Variants in POT1 observed in about 807,000 individuals in gnomAD.
POT1 encodes the protein protection of telomeres protein 1.
A neutral mutation model predicts 78.5 loss-of-function variants in POT1; 47 were observed. The observed-to-expected ratio is 0.60, with a 90% CI of 0.47 to 0.76. POT1 has a LOEUF of 0.76. Ranked by LOEUF, POT1 falls within the 30% of genes least tolerant of loss-of-function variation. The probability of loss-of-function intolerance (pLI) is 0.00; values close to 1 mark genes in which losing one functional copy is unlikely to be tolerated. For synonymous variants in POT1, 259 were observed against 260.7 expected (o/e 0.99, Z 0.06); for missense variants, 646 against 749.9 (o/e 0.86, Z 1.62).
chr7:124,917,287 T>C (rs1394012482), intron 2 of POT1, among the ~76,000 whole-genome samples: 5 of 152,106 alleles, frequency 3.3e-5, no homozygotes, highest in Non-Finnish European at 7.4e-5. Flanking sequence ...GGAGATCTTA[T>C]TTGAGGCAAA....
At chr7:124,869,856 C>T (rs1375480036) in intron 7 of POT1, among the ~76,000 whole-genome samples, 1 of 152,164 alleles carries the variant, frequency 6.6e-6, no homozygotes, top group Non-Finnish European at 1.5e-5. Context: ...GCTGGGATTA[C>T]AGGTGTGAGC....
Position 124,852,826 on chromosome 7 carries a change from G to C in POT1, c.869+146C>G. The C allele has an allele frequency of 2.9e-6, 2 of 679,560 alleles. 1 individual carries two copies. Among genetic ancestry groups the C allele is most frequent in the South Asian group, 4.3e-5 (2 of 46,026 alleles). 42.1% of individuals were successfully genotyped at this position (679,560 alleles called of 1,614,324 possible). ...TAGCTCTATGAGCCTATAATCATTT[G>C]ATTTGTTTCATTTGGCTCATCTATT... On this transcript the variant is annotated intron_variant, in intron 10 of 18. Transcript: ENST00000357628.
At chr7:124,829,196 G>A in intron 16 of POT1, 58 bp downstream of exon 16, 1 of 1,155,502 alleles carries the variant, frequency 8.7e-7, no homozygotes, top group Non-Finnish European at 1.3e-6. Flanking sequence ...AATATAAGTA[G>A]GTGAAATAAC....
rs1211488720 is a variant in POT1 at position 124,827,265 on chromosome 7, G to C, written c.1635C>G (p.Thr545=). The C allele has an allele frequency of 6.2e-7, 1 of 1,600,700 alleles. No individual in the cohort carries two copies. Among genetic ancestry groups the C allele is most frequent in the African/African-American group, 1.3e-5 (1 of 74,522 alleles). Residue 545 remains threonine (T), a synonymous_variant, in exon 17 of 19, where the codon ACC becomes ACG. Transcript: ENST00000357628. ...IVPLQYVFVM[T]FTLDDGTGVL... ...CTCCTGTTCCATCATCAAGTGTAAA[G>C]GTCATAACAAACACATATTGGAGGG...
intron 2 of POT1, among the ~76,000 whole-genome samples, chr7:124,923,327 AAAAAG>A (rs745975792): frequency 5.3e-5 from 8 of 152,030 alleles, no homozygotes; most frequent in Admixed American, 2.0e-4. Flanking sequence ...ACATCTTTAA[AAAAAG>A]AAAAGAAAAC....
At chr7:124,839,252 G>T (rs568520594) in intron 14 of POT1, among the ~76,000 whole-genome samples, 2 of 152,254 alleles carry the variant, frequency 1.3e-5, no homozygotes, top group South Asian at 4.2e-4. Context: ...AAAAAAATCT[G>T]GACACAGATC....
At chr7:124,892,639 T>C (rs758118138) in intron 5 of POT1, 15 of 226,612 alleles carry the variant, frequency 6.6e-5, no homozygotes, top group Non-Finnish European at 1.1e-4. Flanking sequence ...ATTATACTTC[T>C]TCAATAAAAA....
At chr7:124,898,043 G>A (rs530666771) in intron 4 of POT1, among the ~76,000 whole-genome samples, 2 of 151,862 alleles carry the variant, frequency 1.3e-5, no homozygotes, top group African/African-American at 4.8e-5. Flanking sequence ...TCATTAATAA[G>A]TATTTATTAA....
At position 124,859,117 on chromosome 7, in the gene POT1, C is replaced by A. The variant is rs770376260; in HGVS notation, c.547-5G>T. On this transcript the variant is annotated splice_region_variant and splice_polypyrimidine_tract_variant and intron_variant, in intron 8 of 18. Coordinates refer to ENST00000357628, the MANE Select transcript of POT1 (RefSeq NM_015450.3). The stretch of plus-strand genomic sequence containing the variant: ...TGTCCTGGTGCCATCCCATACCTGC[C>A]ATAAGAGAGTAGAGTAGTTTTATGA... 2 of 1,563,242 alleles carry A rather than the reference C, an allele frequency of 1.3e-6. No homozygotes were observed. Among genetic ancestry groups the A allele is most frequent in the Non-Finnish European group, 1.7e-6 (2 of 1,153,108 alleles).
At position 124,841,157 on chromosome 7, in the gene POT1, G is replaced by T; in HGVS notation, c.1185C>A (p.Gly395=). ...CATCCTGAAAAATTATATCCAAATC[G>T]CCCTCATGTGGAACTTCTTGCCTAA... ...CHLLQEVPHE[G]DLDIIFQDGA... Residue 395 remains glycine (G), a synonymous_variant, in exon 14 of 19, where the codon GGC becomes GGA. Coordinates refer to ENST00000357628, the MANE Select transcript of POT1 (RefSeq NM_015450.3). 1.2e-6 allele frequency: 2 copies of T among 1,611,678 alleles called. No homozygotes were observed. The highest frequency in any genetic ancestry group is 1.7e-6 in the Non-Finnish European group (2 of 1,178,730).
chr7:124,907,265 C>T (rs1796787143), intron 3 of POT1, among the ~76,000 whole-genome samples: 1 of 152,120 alleles, frequency 6.6e-6, no homozygotes, highest in South Asian at 2.1e-4. Flanking sequence ...ATCCCTGTCA[C>T]ATTGCCTTAC....
intron 14 of POT1, among the ~76,000 whole-genome samples, chr7:124,835,946 C>T (rs908425318): frequency 3.3e-5 from 5 of 152,126 alleles, no homozygotes; most frequent in African/African-American, 9.7e-5. Context: ...AATGACCAGG[C>T]TGGCTGAGAA....
chr7:124,888,069 CT>C (rs2116618449), intron 6 of POT1, among the ~76,000 whole-genome samples: 1 of 152,180 alleles, frequency 6.6e-6, no homozygotes, highest in South Asian at 2.1e-4. Flanking sequence ...GCCAGGAAAC[CT>C]TTCCCCTGTT....
intron 6 of POT1, among the ~76,000 whole-genome samples, chr7:124,877,822 CAG>C (rs1310496480): frequency 1.8e-5 from 2 of 110,636 alleles, no homozygotes; most frequent in East Asian, 3.1e-4. Context: ...GCCTGGGCGA[CAG>C]AGAGAGATTC....
intron 12 of POT1, among the ~76,000 whole-genome samples, chr7:124,846,696 GT>G (rs1168982572): frequency 6.7e-6 from 1 of 149,120 alleles, no homozygotes; most frequent in Non-Finnish European, 1.5e-5. Flanking sequence ...AAACATATCT[GT>G]TTTAAACATT....
At chr7:124,869,611 T>C (rs1795818448) in intron 7 of POT1, among the ~76,000 whole-genome samples, 1 of 152,156 alleles carries the variant, frequency 6.6e-6, no homozygotes, top group East Asian at 1.9e-4. Context: ...GAGTCAGAGT[T>C]TTCTCTTGTT....
intron 12 of POT1, among the ~76,000 whole-genome samples, chr7:124,844,287 C>T (rs1287810976): frequency 1.3e-5 from 2 of 151,384 alleles, no homozygotes; most frequent in East Asian, 3.9e-4. Context: ...CACCACCACG[C>T]CCAGCTAATT....
At chr7:124,900,315 C>G (rs933919141) in intron 3 of POT1, among the ~76,000 whole-genome samples, 1 of 152,084 alleles carries the variant, frequency 6.6e-6, no homozygotes. Context: ...CCCATCTGTA[C>G]ATATCTGACC....
At chr7:124,878,004 T>C (rs186917973) in intron 6 of POT1, among the ~76,000 whole-genome samples, 62 of 152,050 alleles carry the variant, frequency 4.1e-4, no homozygotes, top group Admixed American at 1.1e-3. Flanking sequence ...AGAAAGTGAT[T>C]ATCAATGCCT....
Sources: allele counts gnomAD v4.1 joint callset (sites outside exome capture counted in the v4.1 genomes callset), GRCh38; gene constraint gnomAD v4.1.1; transcripts MANE v1.5; gene names NCBI Gene and HGNC (gene_info 2026-07-23, HGNC 2026-07-21).